The following GPR158 variants were observed in gnomAD, a reference collection of about 807,000 sequenced individuals.
GPR158 encodes G protein-coupled receptor 158.
Under a neutral mutation model 78.2 loss-of-function variants are expected in GPR158, and 30 were observed. The ratio of observed to expected loss-of-function variants is 0.38; its 90% CI spans 0.29 to 0.52. The LOEUF (loss-of-function observed/expected upper bound fraction) is 0.52. Ranked by LOEUF, GPR158 falls within the 20% of genes least tolerant of loss-of-function variation. GPR158 has a pLI of 0.83. For synonymous variants in GPR158, 581 were observed against 591.1 expected (o/e 0.98, Z 0.25); for missense variants, 1,463 against 1,523.5 (o/e 0.96, Z 0.66).
intron 2 of GPR158, among the ~76,000 whole-genome samples, chr10:25,246,456 T>A (rs1350100478): frequency 2.0e-5 from 3 of 152,150 alleles, no homozygotes; most frequent in South Asian, 2.1e-4. Context: ...AAATCTCCAA[T>A]CAGAACTTCT....
chr10:25,341,329 A>G (rs999638882), intron 2 of GPR158, among the ~76,000 whole-genome samples: 11 of 152,000 alleles, frequency 7.2e-5, no homozygotes, highest in African/African-American at 2.7e-4. Context: ...AGTACTTTAA[A>G]ATATGCTAGA....
At chr10:25,454,672 G>C (rs894500217) in intron 4 of GPR158, among the ~76,000 whole-genome samples, 1 of 152,116 alleles carries the variant, frequency 6.6e-6, no homozygotes, top group African/African-American at 2.4e-5. Flanking sequence ...CACCCTGTCT[G>C]CCTCGCCCAT....
intron 3 of GPR158, among the ~76,000 whole-genome samples, chr10:25,409,954 A>G (rs980650922): frequency 1.3e-5 from 2 of 152,166 alleles, no homozygotes; most frequent in African/African-American, 2.4e-5. Flanking sequence ...TAGGGACTAA[A>G]ACTCCTACTC....
At chr10:25,547,653 C>A (rs1365541669) in intron 5 of GPR158, among the ~76,000 whole-genome samples, 1 of 152,140 alleles carries the variant, frequency 6.6e-6, no homozygotes, top group African/African-American at 2.4e-5. Flanking sequence ...CCCCACACAG[C>A]AGAGCCAGTT....
At chr10:25,439,246 C>T (rs1835036707) in intron 4 of GPR158, among the ~76,000 whole-genome samples, 1 of 152,186 alleles carries the variant, frequency 6.6e-6, no homozygotes, top group Non-Finnish European at 1.5e-5. Context: ...CCACGTCTCA[C>T]ATGGTGGCAG....
At chr10:25,351,465 A>G (rs1020728693) in intron 2 of GPR158, among the ~76,000 whole-genome samples, 1 of 151,868 alleles carries the variant, frequency 6.6e-6, no homozygotes, top group South Asian at 2.1e-4. Context: ...CCTGGGATAT[A>G]TGGTAACACA....
intron 1 of GPR158, among the ~76,000 whole-genome samples, chr10:25,197,678 C>T (rs529930123): frequency 8.2e-4 from 125 of 152,298 alleles, no homozygotes; most frequent in Non-Finnish European, 1.5e-3. Flanking sequence ...TTTTCTTTCT[C>T]TGACAGAACA....
intron 2 of GPR158, among the ~76,000 whole-genome samples, chr10:25,350,597 C>A (rs1171722708): frequency 6.6e-6 from 1 of 151,918 alleles, no homozygotes; most frequent in South Asian, 2.1e-4. Flanking sequence ...AGATGGTAAG[C>A]AAGATAAGGG....
At chr10:25,446,845 C>T (rs71495459) in intron 4 of GPR158, among the ~76,000 whole-genome samples, 8,887 of 152,178 alleles carry the variant, frequency 0.058, 557 homozygotes, top group African/African-American at 0.16. Flanking sequence ...AGCCGTAGGA[C>T]AACTTTTTTG....
At chr10:25,248,710 T>C (rs1433301292) in intron 2 of GPR158, among the ~76,000 whole-genome samples, 2 of 151,016 alleles carry the variant, frequency 1.3e-5, no homozygotes, top group Admixed American at 6.6e-5. Flanking sequence ...CTGTTTTGGT[T>C]ACTGTAGCCT....
At chr10:25,542,899 C>G (rs914213068) in intron 5 of GPR158, among the ~76,000 whole-genome samples, 3 of 150,734 alleles carry the variant, frequency 2.0e-5, no homozygotes, top group African/African-American at 7.3e-5. Flanking sequence ...TTATATTTCT[C>G]TATTTCTCCC....
intron 9 of GPR158, among the ~76,000 whole-genome samples, chr10:25,595,041 G>T (rs928646289): frequency 4.6e-5 from 7 of 151,896 alleles, no homozygotes; most frequent in African/African-American, 1.7e-4. Flanking sequence ...TTCTCTGGGG[G>T]GAAGGTATTA....
At chr10:25,311,027 G>A (rs1854756909) in intron 2 of GPR158, among the ~76,000 whole-genome samples, 1 of 151,876 alleles carries the variant, frequency 6.6e-6, no homozygotes, top group Non-Finnish European at 1.5e-5. Context: ...TCTATTTTGG[G>A]TTTACTTCTC....
chr10:25,388,305 C>G (rs1338178384), intron 2 of GPR158, among the ~76,000 whole-genome samples: 2 of 152,196 alleles, frequency 1.3e-5, no homozygotes, highest in Non-Finnish European at 2.9e-5. Flanking sequence ...GTTGTGGGAG[C>G]AGCAGTGGCG....
intron 2 of GPR158, among the ~76,000 whole-genome samples, chr10:25,341,831 T>TG (rs2130507195): frequency 6.7e-6 from 1 of 148,866 alleles, no homozygotes; most frequent in East Asian, 1.9e-4. Flanking sequence ...ATATGTATTC[T>TG]GAAAAAAAAC....
chr10:25,357,608 G>A (rs556814908), intron 2 of GPR158, among the ~76,000 whole-genome samples: 8 of 152,234 alleles, frequency 5.3e-5, no homozygotes, highest in South Asian at 4.1e-4. Flanking sequence ...CAGTTTCTAC[G>A]TGGTGTTGAG....
intron 3 of GPR158, among the ~76,000 whole-genome samples, chr10:25,405,178 A>G (rs1333924975): frequency 2.0e-5 from 3 of 152,078 alleles, no homozygotes; most frequent in African/African-American, 7.2e-5. Flanking sequence ...TTGGATTAGT[A>G]AAAAGATATA....
intron 5 of GPR158, among the ~76,000 whole-genome samples, chr10:25,521,885 T>C (rs552458372): frequency 6.6e-6 from 1 of 152,334 alleles, no homozygotes; most frequent in South Asian, 2.1e-4. Flanking sequence ...GGAGTAGTCA[T>C]TGAATCCTAC....
chr10:25,383,180 AAAG>A (rs1385820617), intron 2 of GPR158, among the ~76,000 whole-genome samples: 2 of 152,222 alleles, frequency 1.3e-5, no homozygotes, highest in Non-Finnish European at 2.9e-5. Context: ...CATAAGTTAC[AAAG>A]AAGGAGTAAA....
Sources: allele counts gnomAD v4.1 joint callset (sites outside exome capture counted in the v4.1 genomes callset), GRCh38; gene constraint gnomAD v4.1.1; transcripts MANE v1.5; gene names NCBI Gene and HGNC (gene_info 2026-07-23, HGNC 2026-07-21).